DOCK10: variants seen among roughly 807,000 people sequenced by gnomAD.
The protein encoded by DOCK10 is dedicator of cytokinesis protein 10.
In DOCK10, 145 loss-of-function variants were observed where a neutral mutation model predicts 280.1. That is an observed-to-expected ratio of 0.52 (90% CI 0.45 to 0.59). The LOEUF (loss-of-function observed/expected upper bound fraction) is 0.59. Ranked by LOEUF, DOCK10 falls within the 20% of genes least tolerant of loss-of-function variation. DOCK10 has a pLI of 0.00. For missense variants in DOCK10, 2,368 were observed against 2,651.7 expected, an observed-to-expected ratio of 0.89 and a Z score of 2.35; for synonymous variants, 915 against 942.2, an observed-to-expected ratio of 0.97 and a Z score of 0.53.
At chr2:225,035,572 A>ATTATATATATATATATATATATAT (rs397869895) in intron 1 of DOCK10, among the ~76,000 whole-genome samples, 1,031 of 69,926 alleles carry the variant, frequency 0.015, 72 homozygotes, top group Non-Finnish European at 0.024. Context: ...ATATATATAT[A>ATTATATATATATATATATATATAT]TATATATATA....
intron 25 of DOCK10, among the ~76,000 whole-genome samples, chr2:224,835,077 G>T (rs1182416044): frequency 6.6e-6 from 1 of 152,182 alleles, no homozygotes; most frequent in East Asian, 1.9e-4. Flanking sequence ...TTAGCTTTTG[G>T]ATCTGTAACT....
chr2:224,916,485 G>T (rs1032766035), intron 3 of DOCK10, among the ~76,000 whole-genome samples: 3 of 149,868 alleles, frequency 2.0e-5, no homozygotes, highest in Non-Finnish European at 4.4e-5. Flanking sequence ...AGGCTGCTGT[G>T]AGCAGAGGTG....
Position 224,864,651 on chromosome 2 carries a change from G to A in DOCK10, c.1504C>T (p.His502Tyr). ...TTGGCCACCAAAACAATTTCAGAAT[G>A]TGGATTGCTTACAGAAAATACAGCC... ...KQAVFSVSNP[H>Y]SEIVLVAKIE... Residue 502 changes from histidine (H) to tyrosine (Y), a missense_variant, in exon 13 of 56, where the codon CAT (histidine) becomes TAT (tyrosine). This residue lies in a region of DOCK10 where 1,209 missense variants were observed against 1,250.9 expected (regional missense o/e 0.97). Transcript: ENST00000258390. 1 of 1,612,810 alleles carries A rather than the reference G, an allele frequency of 6.2e-7. No homozygotes were observed. The highest frequency in any genetic ancestry group is 8.5e-7 in the Non-Finnish European group (1 of 1,179,634).
intron 1 of DOCK10, among the ~76,000 whole-genome samples, chr2:225,034,677 A>G (rs1431479365): frequency 1.3e-5 from 2 of 152,238 alleles, no homozygotes; most frequent in African/African-American, 4.8e-5. Flanking sequence ...ATACTATAAA[A>G]GTAGTGAAAC....
At position 224,852,915 on chromosome 2, in the gene DOCK10, C is replaced by T. The variant is rs764527674; in HGVS notation, c.2076+20G>A. On this transcript the variant is annotated intron_variant, in intron 17 of 55. Coordinates refer to ENST00000258390, the MANE Select transcript of DOCK10 (RefSeq NM_014689.3). ...ATACGGTGAAAAGAAAAGATGATATCTCTGGAACTTATATCATACCTTGTT... is the reference window on the plus strand; with the variant it reads ...ATACGGTGAAAAGAAAAGATGATATTTCTGGAACTTATATCATACCTTGTT... 6.5e-7 allele frequency: 1 copy of T among 1,547,878 alleles called. No individual in the cohort carries two copies. Among genetic ancestry groups the T allele is most frequent in the South Asian group, 1.2e-5 (1 of 81,086 alleles).
At chr2:224,938,597 A>C (rs186963003) in intron 1 of DOCK10, among the ~76,000 whole-genome samples, 1 of 152,324 alleles carries the variant, frequency 6.6e-6, no homozygotes, top group East Asian at 1.9e-4. Context: ...TTTCAGTGTT[A>C]TATCAAGATA....
intron 1 of DOCK10, among the ~76,000 whole-genome samples, chr2:224,932,681 G>A (rs532683984): frequency 1.3e-5 from 2 of 152,006 alleles, no homozygotes; most frequent in Admixed American, 6.6e-5. Context: ...TCTTTTTCAC[G>A]TAAGTGACAT....
intron 38 of DOCK10, 109 bp downstream of exon 38, chr2:224,804,685 T>C: frequency 1.3e-6 from 1 of 765,596 alleles, no homozygotes; most frequent in Non-Finnish European, 2.1e-6. Flanking sequence ...AATCCTTATT[T>C]GCATTTTAAG....
chr2:224,973,255 C>A (rs927671311), intron 1 of DOCK10, among the ~76,000 whole-genome samples: 3 of 152,150 alleles, frequency 2.0e-5, no homozygotes, highest in African/African-American at 4.8e-5. Flanking sequence ...AGCCCCTTAA[C>A]AACGTACATG....
chr2:224,999,162 G>GGGT (rs1272477431), intron 1 of DOCK10, among the ~76,000 whole-genome samples: 2 of 152,132 alleles, frequency 1.3e-5, no homozygotes, highest in African/African-American at 4.8e-5. Context: ...ACTTCAGCCT[G>GGGT]GGTGACAGAG....
At chr2:224,977,433 A>T (rs150816466) in intron 1 of DOCK10, among the ~76,000 whole-genome samples, 146 of 152,338 alleles carry the variant, frequency 9.6e-4, no homozygotes, top group African/African-American at 3.4e-3. Context: ...AGGGGAAAGA[A>T]AAAGACTTAA....
At chr2:224,991,904 G>A (rs1456793520) in intron 1 of DOCK10, among the ~76,000 whole-genome samples, 1 of 152,216 alleles carries the variant, frequency 6.6e-6, no homozygotes, top group Non-Finnish European at 1.5e-5. Context: ...AATGACTGAT[G>A]CATCAATCAC....
At chr2:224,983,655 C>T (rs532018651) in intron 1 of DOCK10, 2 of 414,838 alleles carry the variant, frequency 4.8e-6, no homozygotes, top group East Asian at 1.4e-4. Context: ...GATGCTCAAA[C>T]AGGCATTAAT....
At chr2:224,954,946 T>C (rs1440507811) in intron 1 of DOCK10, among the ~76,000 whole-genome samples, 2 of 152,214 alleles carry the variant, frequency 1.3e-5, no homozygotes, top group African/African-American at 4.8e-5. Flanking sequence ...AAGATGAGGC[T>C]GAGGAGATCT....
chr2:224,940,285 C>T (rs1186585467), intron 1 of DOCK10, among the ~76,000 whole-genome samples: 1 of 152,216 alleles, frequency 6.6e-6, no homozygotes, highest in Non-Finnish European at 1.5e-5. Context: ...GAGCCCATCT[C>T]TCCACTCTTC....
intron 17 of DOCK10, among the ~76,000 whole-genome samples, chr2:224,852,686 T>TA (rs1310651140): frequency 6.6e-6 from 1 of 151,916 alleles, no homozygotes; most frequent in African/African-American, 2.4e-5. Context: ...CTTAAGAAAC[T>TA]AAAAAAAATA....
intron 1 of DOCK10, among the ~76,000 whole-genome samples, chr2:224,958,256 G>A (rs960370322): frequency 6.6e-6 from 1 of 152,222 alleles, no homozygotes; most frequent in Admixed American, 6.5e-5. Context: ...GAGCTGCGCT[G>A]CTACAGTGTA....
intron 47 of DOCK10, among the ~76,000 whole-genome samples, chr2:224,790,707 G>A (rs1692121384): frequency 6.6e-6 from 1 of 152,102 alleles, no homozygotes; most frequent in East Asian, 1.9e-4. Flanking sequence ...ACTTCTTGCA[G>A]GATGATGATT....
In DOCK10 at chr2:224,860,224, G is replaced by T. The variant is rs115358186; in HGVS notation, c.1685+2440C>A. On this transcript the variant is annotated intron_variant, in intron 14 of 55. Coordinates refer to ENST00000258390, the MANE Select transcript of DOCK10 (RefSeq NM_014689.3). ...GCATATTTAACTAGACAACTTCAAA[G>T]CAGGATTGTCACTTCTCCTAACTTC... Among the ~76,000 whole-genome samples, 323 of 152,240 alleles carry T rather than the reference G, an allele frequency of 2.1e-3. 2 individuals are homozygous for T. The highest frequency in any genetic ancestry group is 7.4e-3 in the African/African-American group (309 of 41,548).
Sources: allele counts gnomAD v4.1 joint callset (sites outside exome capture counted in the v4.1 genomes callset), GRCh38; gene constraint gnomAD v4.1.1; regional missense constraint gnomAD v4.1.1; transcripts MANE v1.5; gene names NCBI Gene and HGNC (gene_info 2026-07-23, HGNC 2026-07-21).